Variants in IL10RA observed in about 807,000 individuals in gnomAD.
IL10RA encodes interleukin 10 receptor subunit alpha, also known as interleukin-10 receptor subunit alpha.
IL10RA carries 18 observed loss-of-function variants against 29.6 expected under a neutral mutation model. The ratio of observed to expected loss-of-function variants is 0.61; its 90% confidence interval spans 0.42 to 0.90. The LOEUF is 0.90. IL10RA is among the 40% of genes least tolerant of loss of function. IL10RA has a pLI of 0.00. For missense variants in IL10RA, 634 were observed against 716.6 expected (o/e 0.88, Z 1.32); for synonymous variants, 292 against 294.1 (o/e 0.99, Z 0.07).
At position 117,998,968 on chromosome 11, in the gene IL10RA, T is replaced by A. The variant is rs373278759; in HGVS notation, c.1064T>A (p.Val355Glu). Residue 355 changes from valine to glutamate, a missense_variant, in exon 7 of 7, where the codon GTG (valine) becomes GAG (glutamate). Transcript: ENST00000227752. ...ACGCTGGGAAACAGGGAGCCCCCTG[T>A]GCTGGGGGACAGCTGCAGTAGTGGC... ...DRTLGNREPP[V>E]LGDSCSSGSS... 10 of 1,613,604 alleles carry A rather than the reference T, an allele frequency of 6.2e-6. No individual in the cohort carries two copies. Among genetic ancestry groups the A allele is most frequent in the Non-Finnish European group, 8.5e-6 (10 of 1,179,720 alleles).
At chr11:117,995,542 C>A in intron 5 of IL10RA, 47 bp from the exon 6 acceptor site, 1 of 1,612,858 alleles carries the variant, frequency 6.2e-7, no homozygotes, top group Non-Finnish European at 8.5e-7. Context: ...CCAGAATCAC[C>A]GTGCCCCATG....
intron 5 of IL10RA, among the ~76,000 whole-genome samples, chr11:117,994,568 G>A (rs560226251): frequency 3.3e-5 from 5 of 152,280 alleles, no homozygotes; most frequent in East Asian, 1.9e-4. Flanking sequence ...TCTGCTCCTC[G>A]CCAGAGCTGC....
chr11:117,986,864 CT>C (rs1759393951), intron 1 of IL10RA: 2 of 1,394,324 alleles, frequency 1.4e-6, no homozygotes, highest in South Asian at 2.4e-5. Context: ...GATGGGACTT[CT>C]TGTCCCCTTG....
Position 117,998,315 on chromosome 11 carries a change from T to A in IL10RA, c.811-400T>A, listed in dbSNP as rs148384209. ...CTGGTTTCAGTTATTTACATACGGGTTATATATACAAGTCATTATGCAACT... is the reference window on the plus strand; with the variant it reads ...CTGGTTTCAGTTATTTACATACGGGATATATATACAAGTCATTATGCAACT... On this transcript the variant is annotated intron_variant, in intron 6 of 6. Transcript: ENST00000227752. Among the ~76,000 whole-genome samples the A allele has an allele frequency of 1.7e-3, 261 of 152,296 alleles. 1 individual carries two copies. Among genetic ancestry groups the A allele is most frequent in the African/African-American group, 5.9e-3 (245 of 41,556 alleles).
Position 117,989,829 on chromosome 11 carries a change from G to T in IL10RA, c.367+209G>T, listed in dbSNP as rs1033546777. 7 of 631,146 alleles carry T rather than the reference G, an allele frequency of 1.1e-5. No homozygotes were observed. Among genetic ancestry groups the T allele is most frequent in the Admixed American group, 7.1e-5 (3 of 42,286 alleles). 39.1% of individuals were successfully genotyped at this position (631,146 alleles called of 1,614,324 possible). A position where few individuals can be genotyped will look rare whatever the true frequency, so the allele number is the denominator to read the frequency against. On this transcript the variant is annotated intron_variant, in intron 3 of 6. Transcript: ENST00000227752. The surrounding 1 kb of genome is among the most constrained non-coding windows in gnomAD (Gnocchi z 4.5). ...TGAGATTTAAAAGGGAACTGGAGTT[G>T]TTTATCCTACAGAAGAGAGGTCTTG... is the stretch of plus-strand genomic sequence containing the variant.
chr11:117,989,722 G>T lies in IL10RA; in HGVS notation c.367+102G>T, dbSNP rs958975394. On this transcript the variant is annotated intron_variant, in intron 3 of 6. Transcript: ENST00000227752. This position sits in a 1 kb window ranked among gnomAD's most constrained non-coding sequence, Gnocchi z 4.5. Reference sequence around the variant, plus strand: ...TCTATTACCATAGCTCACCATGTCTGCCAGCCTCCCTGGCCGGAGAACTAG... The same window carrying T: ...TCTATTACCATAGCTCACCATGTCTTCCAGCCTCCCTGGCCGGAGAACTAG... The T allele has an allele frequency of 2.4e-6, 3 of 1,232,850 alleles. No homozygotes were observed. The highest frequency in any genetic ancestry group is 3.0e-5 in the African/African-American group (2 of 67,248). 76.4% of individuals were successfully genotyped at this position (1,232,850 alleles called of 1,614,324 possible).
At position 117,996,947 on chromosome 11, in the gene IL10RA, A is replaced by G. The variant is rs1452691304; in HGVS notation, c.810+1237A>G. 2.6e-5 allele frequency among the ~76,000 whole-genome samples: 4 copies of G among 152,242 alleles called. No homozygotes were observed. In the East Asian group the frequency reaches 7.7e-4, roughly 29 times the overall value. ...AGGGTTTTTTCTCTTCAGGATAAATATAGCTCAATCCCTTCATCTGATGAT... is the reference window on the plus strand; with the variant it reads ...AGGGTTTTTTCTCTTCAGGATAAATGTAGCTCAATCCCTTCATCTGATGAT... On this transcript the variant is annotated intron_variant, in intron 6 of 6. Coordinates refer to ENST00000227752, the MANE Select transcript of IL10RA (RefSeq NM_001558.4).
chr11:117,989,210 C>A lies in IL10RA; in HGVS notation c.189-232C>A, dbSNP rs4252253. Among the ~76,000 whole-genome samples, 36,747 of 152,182 alleles carry A rather than the reference C, an allele frequency of 0.24. 5,097 individuals are homozygous for A. Among genetic ancestry groups the A allele is most frequent in the East Asian group, 0.41 (2,123 of 5,172 alleles). On this transcript the variant is annotated intron_variant, in intron 2 of 6. Coordinates refer to ENST00000227752, the MANE Select transcript of IL10RA (RefSeq NM_001558.4). The surrounding 1 kb of genome is among the most constrained non-coding windows in gnomAD (Gnocchi z 4.5). ...AGAAAGAATTTCTGGAAGAGCTGGG[C>A]CTACTCGTATTCCTATCTAAAAATC...
chr11:117,994,214 C>T (rs139214001), intron 5 of IL10RA, 65 bp downstream of exon 5: 97 of 1,459,568 alleles, frequency 6.6e-5, no homozygotes, highest in East Asian at 4.1e-4. Context: ...CAATCCAAAA[C>T]GCGTGCACCT....
In IL10RA at chr11:117,999,537, C is replaced by T; in HGVS notation, c.1633C>T (p.Leu545Phe). ...GISDWSFAHD[L>F]APLGCVAAPG... ...ATCTGACTGGAGCTTTGCCCATGAC[C>T]TTGCCCCTCTAGGCTGTGTGGCAGC... Residue 545 changes from leucine (L) to phenylalanine (F), a missense_variant, in exon 7 of 7, where the codon CTT becomes TTT. Physicochemically the swap from Leu to Phe is conservative, Grantham distance 22. Transcript: ENST00000227752. 1 of 1,614,228 alleles carries T rather than the reference C, an allele frequency of 6.2e-7. No homozygotes were observed. The highest frequency in any genetic ancestry group is 1.1e-5 in the South Asian group (1 of 91,084).
chr11:117,996,319 A>G (rs2058056456), intron 6 of IL10RA, among the ~76,000 whole-genome samples: 1 of 152,156 alleles, frequency 6.6e-6, no homozygotes. Context: ...CTCATGGAGG[A>G]GGCCAAGCCC....
chr11:117,992,232 G>A (rs2058027539), intron 3 of IL10RA, among the ~76,000 whole-genome samples: 1 of 152,194 alleles, frequency 6.6e-6, no homozygotes, highest in Non-Finnish European at 1.5e-5. Flanking sequence ...GGGAATTGCT[G>A]GATCACATGG....
chr11:117,986,750 A>G, intron 1 of IL10RA: 1 of 1,532,322 alleles, frequency 6.5e-7, no homozygotes, highest in Non-Finnish European at 8.7e-7. Context: ...AAGGATAGAG[A>G]AGTATGCGCA....
chr11:117,989,370 C>T lies in IL10RA; in HGVS notation c.189-72C>T. On this transcript the variant is annotated intron_variant, in intron 2 of 6. Coordinates refer to ENST00000227752, the MANE Select transcript of IL10RA (RefSeq NM_001558.4). The surrounding 1 kb of genome is among the most constrained non-coding windows in gnomAD (Gnocchi z 4.5). The stretch of plus-strand genomic sequence containing the variant: ...AATGTGGGAGCTCTCTTCCTGGCCT[C>T]TTGCGTCTCCCTTAAAGGAGGTAGG... 1.4e-6 allele frequency: 2 copies of T among 1,402,580 alleles called. No individual in the cohort carries two copies. Among genetic ancestry groups the T allele is most frequent in the Non-Finnish European group, 2.0e-6 (2 of 987,438 alleles). 86.9% of individuals were successfully genotyped at this position (1,402,580 alleles called of 1,614,324 possible). A position where few individuals can be genotyped will look rare whatever the true frequency, so the allele number is the denominator to read the frequency against.
chr11:117,995,426 A>T, intron 5 of IL10RA, 163 bp from the exon 6 acceptor site: 1 of 847,068 alleles, frequency 1.2e-6, no homozygotes, highest in Non-Finnish European at 2.0e-6. Context: ...AGGGATTCGC[A>T]GAAACCTAGA....
In IL10RA at chr11:117,999,533, T is replaced by A; in HGVS notation, c.1629T>A (p.His543Gln). 1.9e-6 allele frequency: 3 copies of A among 1,614,212 alleles called. No individual in the cohort carries two copies. The highest frequency in any genetic ancestry group is 2.5e-6 in the Non-Finnish European group (3 of 1,180,026). The change falls in exon 7 of 7, where the codon CAT becomes CAA. Residue 543 changes from histidine to glutamine, a missense_variant. Transcript: ENST00000227752. The stretch of plus-strand genomic sequence containing the variant: ...GAATATCTGACTGGAGCTTTGCCCA[T>A]GACCTTGCCCCTCTAGGCTGTGTGG... ...DLGISDWSFA[H>Q]DLAPLGCVAA...
At chr11:118,002,103 G>A (rs540242979), downstream of IL10RA, 1 of 153,094 alleles carries the variant, frequency 6.5e-6, no homozygotes, top group Non-Finnish European at 1.5e-5. Context: ...GTTCTCCTAA[G>A]TGCGGAAGCC....
chr11:117,988,562 C>A, intron 2 of IL10RA, 60 bp downstream of exon 2: 1 of 1,596,608 alleles, frequency 6.3e-7, no homozygotes, highest in Admixed American at 1.7e-5. Context: ...GTCCTCTACT[C>A]TCCTAGCATG....
intron 3 of IL10RA, among the ~76,000 whole-genome samples, chr11:117,992,534 C>T (rs4252266): frequency 1.6e-4 from 24 of 152,262 alleles, no homozygotes; most frequent in African/African-American, 5.3e-4. Context: ...ATTTTAAAAA[C>T]AGGTTTATTT....
Sources: allele counts gnomAD v4.1 joint callset (sites outside exome capture counted in the v4.1 genomes callset), GRCh38; gene constraint gnomAD v4.1.1; non-coding constraint Gnocchi (gnomAD v3.1); transcripts MANE v1.5; gene names NCBI Gene and HGNC (gene_info 2026-07-23, HGNC 2026-07-21).